PKHD1: variants seen among roughly 807,000 people sequenced by gnomAD.
PKHD1 encodes the protein PKHD1 ciliary IPT domain containing fibrocystin/polyductin, also known as fibrocystin.
In PKHD1, 291 loss-of-function variants were observed where a neutral mutation model predicts 412.0. The ratio of observed to expected loss-of-function variants is 0.71; its 90% CI spans 0.64 to 0.78. PKHD1 has a LOEUF of 0.78. Among genes scored for constraint, PKHD1 ranks in the 30% least tolerant of loss-of-function variants. PKHD1 has a pLI of 0.00. For missense variants in PKHD1, 4,825 were observed against 4,950.7 expected (o/e 0.97, Z 0.76); for synonymous variants, 1,777 against 1,821.5 (o/e 0.98, Z 0.62).
chr6:51,988,045 T>C (rs528022059), intron 35 of PKHD1, among the ~76,000 whole-genome samples: 1 of 152,334 alleles, frequency 6.6e-6, no homozygotes, highest in East Asian at 1.9e-4. Context: ...TTGGTAAGTA[T>C]CATTGTTCAC....
At chr6:51,717,004 G>C (rs984773560) in intron 60 of PKHD1, among the ~76,000 whole-genome samples, 1 of 152,160 alleles carries the variant, frequency 6.6e-6, no homozygotes, top group Non-Finnish European at 1.5e-5. Flanking sequence ...TGTGTTAGGT[G>C]TTGCACTATC....
intron 60 of PKHD1, among the ~76,000 whole-genome samples, chr6:51,706,575 G>A (rs1359662665): frequency 6.6e-6 from 1 of 151,956 alleles, no homozygotes; most frequent in Non-Finnish European, 1.5e-5. Flanking sequence ...TGGAAGAGGG[G>A]TCAGTAAATG....
At chr6:51,715,222 C>T (rs1450400212) in intron 60 of PKHD1, among the ~76,000 whole-genome samples, 2 of 151,986 alleles carry the variant, frequency 1.3e-5, no homozygotes, top group African/African-American at 4.8e-5. Flanking sequence ...TATTATCATG[C>T]CCATTTTTCC....
chr6:51,907,702 T>C (rs1782334603), intron 40 of PKHD1, among the ~76,000 whole-genome samples: 1 of 152,154 alleles, frequency 6.6e-6, no homozygotes, highest in East Asian at 1.9e-4. Context: ...TTTCTAACTC[T>C]GGTAGCTGGG....
At chr6:51,754,306 G>T (rs1786599760) in intron 56 of PKHD1, among the ~76,000 whole-genome samples, 1 of 152,018 alleles carries the variant, frequency 6.6e-6, no homozygotes, top group African/African-American at 2.4e-5. Context: ...AATAGTAATA[G>T]TAGTAGTTAA....
At chr6:51,775,252 T>A (rs1790818014) in intron 54 of PKHD1, among the ~76,000 whole-genome samples, 1 of 151,826 alleles carries the variant, frequency 6.6e-6, no homozygotes. Context: ...AATGCCCATA[T>A]AGAAAAAGTG....
intron 36 of PKHD1, among the ~76,000 whole-genome samples, chr6:51,943,848 G>A (rs939587307): frequency 6.0e-5 from 9 of 151,132 alleles, no homozygotes; most frequent in Non-Finnish European, 8.9e-5. Flanking sequence ...TTTCCATGCC[G>A]CCCCTAATCC....
chr6:51,790,755 T>G (rs563396899), intron 53 of PKHD1, among the ~76,000 whole-genome samples: 1 of 152,342 alleles, frequency 6.6e-6, no homozygotes, highest in South Asian at 2.1e-4. Flanking sequence ...CACACATCTT[T>G]GGGATTATTT....
At position 52,072,197 on chromosome 6, in the gene PKHD1, T is replaced by A. The variant is rs1562285385; in HGVS notation, c.528-8A>T. ...GCTTCCAAGATCACTGGGCTGGATT[T>A]AAAAAAAAATGAAAACAAAAGACAA... is the stretch of plus-strand genomic sequence containing the variant. On this transcript the variant is annotated splice_polypyrimidine_tract_variant and splice_region_variant and intron_variant, in intron 7 of 66. Coordinates refer to ENST00000371117, the MANE Select transcript of PKHD1 (RefSeq NM_138694.4). 9.0e-6 allele frequency: 14 copies of A among 1,552,100 alleles called. No homozygotes were observed. The highest frequency in any genetic ancestry group is 2.2e-5 in the South Asian group (2 of 89,756).
chr6:51,970,518 CT>C (rs1289874239), intron 35 of PKHD1, among the ~76,000 whole-genome samples: 6 of 152,170 alleles, frequency 3.9e-5, no homozygotes, highest in African/African-American at 1.4e-4. Flanking sequence ...GTCATAAATA[CT>C]TTGCCTAGGC....
rs765841136 is a variant in PKHD1 at position 51,659,129 on chromosome 6, A to G, written c.10997T>C (p.Ile3666Thr). The G allele has an allele frequency of 4.3e-6, 7 of 1,613,828 alleles. No homozygotes were observed. In the South Asian group the frequency reaches 6.6e-5, roughly 15 times the overall value. The change falls in exon 61 of 67, where the codon ATT becomes ACT. Residue 3666 changes from isoleucine (I) to threonine (T), a missense_variant. Physicochemically the swap from Ile to Thr is moderately conservative, Grantham distance 89. Coordinates refer to ENST00000371117, the MANE Select transcript of PKHD1 (RefSeq NM_138694.4). ...GCTCCTTACTGTTGGCGAATCACCA[A>G]TTTCAATGACAATCACTTTTGAGAT... ...ETISKVIVIE[I>T]GDSPTVRSTG...
intron 43 of PKHD1, among the ~76,000 whole-genome samples, chr6:51,892,127 G>A (rs1159222477): frequency 2.0e-5 from 3 of 152,086 alleles, no homozygotes; most frequent in South Asian, 2.1e-4. Flanking sequence ...CTAATTGGCC[G>A]AGTCACTCCT....
chr6:51,889,040 AG>A (rs1204967445), intron 43 of PKHD1, among the ~76,000 whole-genome samples: 1 of 152,042 alleles, frequency 6.6e-6, no homozygotes, highest in Admixed American at 6.6e-5. Flanking sequence ...ACAGAAGTTA[AG>A]GAATAGGCTG....
At chr6:51,733,263 A>G (rs1783438665) in intron 60 of PKHD1, among the ~76,000 whole-genome samples, 1 of 152,172 alleles carries the variant, frequency 6.6e-6, no homozygotes, top group Non-Finnish European at 1.5e-5. Flanking sequence ...AAGATGGGCC[A>G]GGCACAGTGA....
chr6:51,755,007 C>CA lies in PKHD1; in HGVS notation c.8643-70dup, dbSNP rs1460173426. On this transcript the variant is annotated intron_variant, in intron 55 of 66. Coordinates refer to ENST00000371117, the MANE Select transcript of PKHD1 (RefSeq NM_138694.4). ...CACAAATCATCTATTAACTCCAGAG[C>CA]AAGAAAAGGAAATCCACTGTGACCA... is the stretch of plus-strand genomic sequence containing the variant. 6 of 1,333,190 alleles carry CA rather than the reference C, an allele frequency of 4.5e-6. No individual in the cohort carries two copies. In the African/African-American group the frequency reaches 8.7e-5, roughly 19 times the overall value. 82.6% of individuals were successfully genotyped at this position (1,333,190 alleles called of 1,614,324 possible).
chr6:51,814,137 C>T (rs920345044), intron 52 of PKHD1, among the ~76,000 whole-genome samples: 2 of 152,194 alleles, frequency 1.3e-5, no homozygotes, highest in Non-Finnish European at 2.9e-5. Context: ...GGCCAGCTTG[C>T]TGTGCCTTAA....
chr6:52,084,732 A>AGG (rs1812507322), intron 2 of PKHD1, 150 bp downstream of exon 2: 1 of 710,652 alleles, frequency 1.4e-6, no homozygotes, highest in Admixed American at 1.9e-5. Context: ...CTCTGAAAAC[A>AGG]GTATTTTTAA....
chr6:51,942,366 C>T (rs556255287), intron 36 of PKHD1, among the ~76,000 whole-genome samples: 2 of 151,832 alleles, frequency 1.3e-5, no homozygotes, highest in Admixed American at 6.6e-5. Context: ...GTGCAGCAGC[C>T]GCTGCCGCCC....
At chr6:51,898,019 C>A (rs1382132740) in intron 43 of PKHD1, among the ~76,000 whole-genome samples, 32 of 148,364 alleles carry the variant, frequency 2.2e-4, no homozygotes, top group African/African-American at 5.7e-4. Context: ...TAAAGCAAGT[C>A]CTGAGTGACC....
Sources: allele counts gnomAD v4.1 joint callset (sites outside exome capture counted in the v4.1 genomes callset), GRCh38; gene constraint gnomAD v4.1.1; transcripts MANE v1.5; gene names NCBI Gene and HGNC (gene_info 2026-07-23, HGNC 2026-07-21).